WIZ: variants seen among roughly 807,000 people sequenced by gnomAD.
WIZ encodes the protein protein Wiz.
WIZ carries 25 observed loss-of-function variants against 140.2 expected under a neutral mutation model. The observed-to-expected ratio is 0.18, with a 90% CI of 0.13 to 0.25. The LOEUF (loss-of-function observed/expected upper bound fraction) is 0.25. WIZ is among the 10% of genes least tolerant of loss of function. The probability of loss-of-function intolerance (pLI) is 1.00; values close to 1 mark genes in which losing one functional copy is unlikely to be tolerated. For synonymous variants in WIZ, 1,125 were observed against 1,154.3 expected (o/e 0.97, Z 0.51); for missense variants, 2,231 against 2,632.6 (o/e 0.85, Z 3.34).
chr19:15,434,071 A>G (rs957084325), intron 5 of WIZ, among the ~76,000 whole-genome samples: 6 of 152,110 alleles, frequency 3.9e-5, no homozygotes, highest in Non-Finnish European at 8.8e-5. Context: ...CCTGGACAAC[A>G]TGGTGAAACC....
chr19:15,424,757 C>T lies in WIZ; in HGVS notation c.5170G>A (p.Gly1724Arg). 3.2e-6 allele frequency: 5 copies of T among 1,572,530 alleles called. No individual in the cohort carries two copies. The highest frequency in any genetic ancestry group is 3.4e-6 in the Non-Finnish European group (4 of 1,162,142). The change falls in exon 11 of 13, where the codon GGG (glycine) becomes AGG (arginine). Residue 1724 changes from glycine to arginine, a missense_variant. Physicochemically the swap from Gly to Arg is moderately radical, Grantham distance 125. This residue lies in a region of WIZ where 299 missense variants were observed against 309.6 expected (regional missense o/e 0.97). Transcript: ENST00000673675. This position sits in a 1 kb window ranked among gnomAD's most constrained non-coding sequence, Gnocchi z 9.7. ...DKRPSLGLAP[G>R]GLAVVGRSAG... The stretch of plus-strand genomic sequence containing the variant: ...CTGCGGCCGACCACGGCCAGGCCCC[C>T]GGGTGCCAGCCCCAGGGACGGCCGC...
chr19:15,432,770 C>A (rs1047251107), intron 5 of WIZ, among the ~76,000 whole-genome samples: 19 of 151,556 alleles, frequency 1.3e-4, no homozygotes, highest in Admixed American at 1.2e-3. Context: ...GTGCCGAGTG[C>A]CGCTGCCGCC....
intron 5 of WIZ, 87 bp from the exon 6 acceptor site, chr19:15,431,269 T>C: frequency 7.2e-7 from 1 of 1,394,344 alleles, no homozygotes. Context: ...TCCTTATCCT[T>C]GATGTCCGCT....
chr19:15,438,996 C>A lies in WIZ; in HGVS notation c.1998G>T (p.Gln666His). 6.7e-7 allele frequency: 1 copy of A among 1,485,832 alleles called. No individual in the cohort carries two copies. Among genetic ancestry groups the A allele is most frequent in the Admixed American group, 2.3e-5 (1 of 44,004 alleles). The allele number at this position is 1,485,832 out of a possible 1,614,324, so 92.0% of individuals were successfully genotyped here. A position where few individuals can be genotyped will look rare whatever the true frequency, so the allele number is the denominator to read the frequency against. Residue 666 changes from glutamine to histidine, a missense_variant, in exon 4 of 13, where the codon CAG becomes CAT. Coordinates refer to ENST00000673675, the MANE Select transcript of WIZ (RefSeq NM_001371589.1). ...ELKQAFREAL[Q>H]AVEATQGQQQ... Reference sequence around the variant, plus strand: ...GCTGCCCCTGGGTGGCCTCTACTGCCTGCAGGGCCTCTCGGAATGCCTGCT... The same window carrying A: ...GCTGCCCCTGGGTGGCCTCTACTGCATGCAGGGCCTCTCGGAATGCCTGCT...
At chr19:15,436,739 C>T (rs1297580153) in intron 5 of WIZ, 67 bp downstream of exon 5, 29 of 1,438,290 alleles carry the variant, frequency 2.0e-5, no homozygotes, top group Non-Finnish European at 2.7e-5. Flanking sequence ...CCTCCAGCCC[C>T]GCCCCTCCAA....
chr19:15,440,679 G>C lies in WIZ; in HGVS notation c.315C>G (p.Gly105=), dbSNP rs926706746. The C allele has an allele frequency of 2.0e-6, 3 of 1,513,584 alleles. No homozygotes were observed. The highest frequency in any genetic ancestry group is 1.4e-5 in the African/African-American group (1 of 72,364). The allele number at this position is 1,513,584 out of a possible 1,614,324, so 93.8% of individuals were successfully genotyped here. ...GGCCCAGGAGATGGGGTGGTGGGGA[G>C]CCCGGCCGGAAGTCCAGGCTGCCTC... The part of the protein sequence containing the change: ...WDGGSLDFRP[G]SPPPHLLGHF... Residue 105 remains glycine, a synonymous_variant, in exon 4 of 13, where the codon GGC becomes GGG. Coordinates refer to ENST00000673675, the MANE Select transcript of WIZ (RefSeq NM_001371589.1). The surrounding 1 kb of genome is among the most constrained non-coding windows in gnomAD (Gnocchi z 6.2).
Position 15,438,868 on chromosome 19 carries a change from A to G in WIZ, c.2126T>C (p.Leu709Pro), listed in dbSNP as rs1253464815. The G allele has an allele frequency of 1.4e-6, 2 of 1,465,362 alleles. No homozygotes were observed. Among genetic ancestry groups the G allele is most frequent in the East Asian group, 5.0e-5 (2 of 40,138 alleles). 90.8% of individuals were successfully genotyped at this position (1,465,362 alleles called of 1,614,324 possible). ...CAGGGGGTGGGCGCCTGCCAGCCCC[A>G]GCTCCTCGGGCTGCAACCTTGGGGG... is the stretch of plus-strand genomic sequence containing the variant. Reference protein sequence around the residue: ...RVPPRLQPEELGLAGAHPLDF... With the variant: ...RVPPRLQPEEPGLAGAHPLDF... Residue 709 changes from leucine (L) to proline (P), a missense_variant, in exon 4 of 13, where the codon CTG becomes CCG. Physicochemically the swap from Leu to Pro is moderately conservative, Grantham distance 98. Coordinates refer to ENST00000673675, the MANE Select transcript of WIZ (RefSeq NM_001371589.1).
Position 15,423,094 on chromosome 19 carries a change from C to T in WIZ, c.5652G>A (p.Ala1884=), listed in dbSNP as rs1432251548. 22 of 1,611,708 alleles carry T rather than the reference C, an allele frequency of 1.4e-5. No homozygotes were observed. In the East Asian group the frequency reaches 1.8e-4, roughly 13 times the overall value. ...EESQAPQAQT[A]AAEAP Reference sequence around the variant, plus strand: ...TTTTGTGTTAGGGAGCCTCTGCCGCCGCTGTCTGTGCCTGCGGGGCCTGGG... The same window carrying T: ...TTTTGTGTTAGGGAGCCTCTGCCGCTGCTGTCTGTGCCTGCGGGGCCTGGG... Residue 1884 remains alanine (A), a synonymous_variant, in exon 13 of 13, where the codon GCG becomes GCA. Coordinates refer to ENST00000673675, the MANE Select transcript of WIZ (RefSeq NM_001371589.1).
chr19:15,424,769 C>T lies in WIZ; in HGVS notation c.5158G>A (p.Gly1720Arg). The T allele has an allele frequency of 7.6e-6, 12 of 1,582,338 alleles. No homozygotes were observed. Among genetic ancestry groups the T allele is most frequent in the Non-Finnish European group, 1.0e-5 (12 of 1,166,444 alleles). ...GRDSDKRPSL[G>R]LAPGGLAVVG... is the part of the protein sequence containing the mutation. ...ACGGCCAGGCCCCCGGGTGCCAGCC[C>T]CAGGGACGGCCGCTTGTCACTGTCA... Residue 1720 changes from glycine to arginine, a missense_variant, in exon 11 of 13, where the codon GGG becomes AGG. Around this residue, in one of 15 missense-constraint regions of WIZ, gnomAD observed 299 missense variants for 309.6 expected, o/e 0.97. Coordinates refer to ENST00000673675, the MANE Select transcript of WIZ (RefSeq NM_001371589.1). The surrounding 1 kb of genome is among the most constrained non-coding windows in gnomAD (Gnocchi z 9.7).
chr19:15,444,784 C>T (rs1329716055), intron 2 of WIZ, among the ~76,000 whole-genome samples: 1 of 152,216 alleles, frequency 6.6e-6, no homozygotes, highest in Admixed American at 6.5e-5. Flanking sequence ...TCACATATAA[C>T]CTGCCCTAGC....
At chr19:15,425,987 C>T (rs1190609420) in intron 9 of WIZ, among the ~76,000 whole-genome samples, 4 of 151,386 alleles carry the variant, frequency 2.6e-5, no homozygotes, top group African/African-American at 4.9e-5. Flanking sequence ...GCCTAGCTAC[C>T]CCTGTCCACA....
At chr19:15,426,848 G>T in intron 9 of WIZ, 134 bp downstream of exon 9, 2 of 1,063,836 alleles carry the variant, frequency 1.9e-6, no homozygotes, top group Non-Finnish European at 2.7e-6. Flanking sequence ...GGAATACACA[G>T]CTAACCCTGT....
Position 15,442,783 on chromosome 19 carries a change from GT to G in WIZ, c.206-36del. On this transcript the variant is annotated intron_variant, in intron 2 of 12. Transcript: ENST00000673675. This position sits in a 1 kb window ranked among gnomAD's most constrained non-coding sequence, Gnocchi z 5.5. Reference sequence around the variant, plus strand: ...AGAGGGGAGACCCTGAGGGGCTGGGGTCCCCCTGGCCGGGGCCCTCCACACC... The same window carrying G: ...AGAGGGGAGACCCTGAGGGGCTGGGGCCCCCTGGCCGGGGCCCTCCACACC... 1 of 1,221,544 alleles carries G rather than the reference GT, an allele frequency of 8.2e-7. No homozygotes were observed. The highest frequency in any genetic ancestry group is 1.0e-6 in the Non-Finnish European group (1 of 978,540). 75.7% of individuals were successfully genotyped at this position (1,221,544 alleles called of 1,614,324 possible).
At chr19:15,425,988 CCT>C (rs1395596994) in intron 9 of WIZ, among the ~76,000 whole-genome samples, 2 of 151,480 alleles carry the variant, frequency 1.3e-5, no homozygotes, top group African/African-American at 4.8e-5. Context: ...CCTAGCTACC[CCT>C]GTCCACACCA....
intron 5 of WIZ, chr19:15,433,280 C>T (rs1449651652): frequency 1.0e-6 from 1 of 985,342 alleles, no homozygotes; most frequent in Non-Finnish European, 1.2e-6. Flanking sequence ...TTTCAATCAC[C>T]GCCTGCTTCT....
Position 15,440,983 on chromosome 19 carries a change from C to G in WIZ, c.279-268G>C, listed in dbSNP as rs555939105. On this transcript the variant is annotated intron_variant, in intron 3 of 12. Coordinates refer to ENST00000673675, the MANE Select transcript of WIZ (RefSeq NM_001371589.1). The surrounding 1 kb of genome is among the most constrained non-coding windows in gnomAD (Gnocchi z 6.2). ...ATTGTGGGGGAATGTACGGAGACCACCCCTGGGCCACACGGGGATGTGGCC... is the reference window on the plus strand; with the variant it reads ...ATTGTGGGGGAATGTACGGAGACCAGCCCTGGGCCACACGGGGATGTGGCC... Among the ~76,000 whole-genome samples the G allele has an allele frequency of 6.6e-6, 1 of 152,252 alleles. No homozygotes were observed. The highest frequency in any genetic ancestry group is 2.4e-5 in the African/African-American group (1 of 41,534).
Position 15,431,128 on chromosome 19 carries a change from A to G in WIZ, c.2795T>C (p.Leu932Pro), listed in dbSNP as rs764287996. ...MVAMDLGSPS[L>P]PKKSLPVPGA... The stretch of plus-strand genomic sequence containing the variant: ...AGGGACAGGCAGGCTCTTCTTAGGG[A>G]GCGAGGGAGAGCCCAAGTCCATGGC... The change falls in exon 6 of 13, where the codon CTC becomes CCC. Residue 932 changes from leucine to proline, a missense_variant. Physicochemically the swap from Leu to Pro is moderately conservative, Grantham distance 98. Transcript: ENST00000673675. 176 of 1,535,418 alleles carry G rather than the reference A, an allele frequency of 1.1e-4. 1 individual carries two copies. Among genetic ancestry groups the G allele is most frequent in the Non-Finnish European group, 1.3e-4 (149 of 1,146,534 alleles).
Position 15,429,850 on chromosome 19 carries a change from G to C in WIZ, c.3151C>G (p.Pro1051Ala). 1 of 1,530,212 alleles carries C rather than the reference G, an allele frequency of 6.5e-7. No homozygotes were observed. The highest frequency in any genetic ancestry group is 8.8e-7 in the Non-Finnish European group (1 of 1,142,838). The allele number at this position is 1,530,212 out of a possible 1,614,324, so 94.8% of individuals were successfully genotyped here. A position where few individuals can be genotyped will look rare whatever the true frequency, so the allele number is the denominator to read the frequency against. ...GCCAGGCTGAGCAAGCCGGGCCGGG[G>C]GGCCCCGGCGACCACCTCCTTCAGT... ...SSLKEVVAGAPRPGLLSLAKP... is the reference protein window; with the variant it reads ...SSLKEVVAGAARPGLLSLAKP... Residue 1051 changes from proline (P) to alanine (A), a missense_variant, in exon 7 of 13, where the codon CCC becomes GCC. Pro to Ala is a conservative substitution (Grantham distance 27, BLOSUM62 -1). Transcript: ENST00000673675.
intron 5 of WIZ, chr19:15,433,329 G>C: frequency 2.0e-6 from 2 of 985,420 alleles, no homozygotes; most frequent in Non-Finnish European, 2.4e-6. Context: ...ACAGTTGGGT[G>C]GGGCTAGAAT....
Sources: gnomAD v4.1 joint callset for allele counts (sites outside exome capture counted in the v4.1 genomes callset) on GRCh38, gnomAD v4.1.1 for gene constraint, gnomAD v4.1.1 regional missense constraint, Gnocchi (gnomAD v3.1) non-coding constraint, MANE v1.5 for transcripts, NCBI Gene and HGNC (gene_info 2026-07-23, HGNC 2026-07-21) for gene names.